The following STAC variants were observed in gnomAD, a reference collection of about 807,000 sequenced individuals.
The protein encoded by STAC is SH3 and cysteine-rich domain-containing protein.
In STAC, 43 loss-of-function variants were observed where a neutral mutation model predicts 48.8. The observed-to-expected ratio is 0.88, with a 90% CI of 0.69 to 1.14. STAC has a LOEUF of 1.14. STAC is among the 50% of genes most tolerant of loss of function. The pLI, the probability that STAC is intolerant of heterozygous loss-of-function variation, is 0.00. For synonymous variants in STAC, 193 were observed against 179.5 expected (o/e 1.07, Z -0.60); for missense variants, 497 against 504.0 (o/e 0.99, Z 0.13).
chr3:36,410,127 A>G (rs1261023631), intron 1 of STAC, among the ~76,000 whole-genome samples: 2 of 152,218 alleles, frequency 1.3e-5, no homozygotes, highest in African/African-American at 4.8e-5. Context: ...AAAGCATTAA[A>G]AAGAAATGTT....
intron 1 of STAC, among the ~76,000 whole-genome samples, chr3:36,426,353 T>C (rs116211548): frequency 1.0e-3 from 158 of 152,364 alleles, no homozygotes; most frequent in African/African-American, 3.7e-3. Context: ...GATGAGGCTC[T>C]AAACAGAGTT....
intron 8 of STAC, among the ~76,000 whole-genome samples, chr3:36,514,897 G>A (rs1041429297): frequency 6.6e-6 from 1 of 151,958 alleles, no homozygotes; most frequent in Admixed American, 6.6e-5. Context: ...AATTAGCCAG[G>A]CATGGTGGTG....
chr3:36,418,119 CTTTGA>C (rs1007903673), intron 1 of STAC, among the ~76,000 whole-genome samples: 5 of 151,678 alleles, frequency 3.3e-5, no homozygotes, highest in Non-Finnish European at 5.9e-5. Context: ...TAAACTAGTT[CTTTGA>C]TTTATCTATT....
chr3:36,474,063 A>G (rs960752966), intron 2 of STAC, among the ~76,000 whole-genome samples: 1 of 152,182 alleles, frequency 6.6e-6, no homozygotes, highest in Admixed American at 6.5e-5. Flanking sequence ...TGCATGCTAC[A>G]TATTTTCAAA....
At chr3:36,497,906 G>T (rs1463801572) in intron 6 of STAC, among the ~76,000 whole-genome samples, 3 of 152,182 alleles carry the variant, frequency 2.0e-5, no homozygotes, top group Non-Finnish European at 4.4e-5. Context: ...GGTACAGTAA[G>T]ATCACCAGGC....
At chr3:36,413,236 C>T (rs1348962229) in intron 1 of STAC, among the ~76,000 whole-genome samples, 1 of 152,070 alleles carries the variant, frequency 6.6e-6, no homozygotes, top group African/African-American at 2.4e-5. Context: ...TCCTTGTTAA[C>T]TTTCTGTCTC....
intron 2 of STAC, among the ~76,000 whole-genome samples, chr3:36,464,820 G>A (rs927521901): frequency 5.9e-5 from 9 of 151,604 alleles, no homozygotes; most frequent in Non-Finnish European, 1.0e-4. Context: ...TGGTGTGTGT[G>A]TGTGTGTGTA....
intron 1 of STAC, among the ~76,000 whole-genome samples, chr3:36,422,008 G>C (rs1044497675): frequency 2.0e-5 from 3 of 152,050 alleles, no homozygotes; most frequent in African/African-American, 7.2e-5. Context: ...CCAATAGTAA[G>C]CATTTTCATA....
At chr3:36,498,799 A>G (rs1252932224) in intron 6 of STAC, among the ~76,000 whole-genome samples, 1 of 152,158 alleles carries the variant, frequency 6.6e-6, no homozygotes, top group Non-Finnish European at 1.5e-5. Flanking sequence ...ACAATATGTA[A>G]GAACATACTT....
At chr3:36,539,774 G>T (rs566148851) in intron 10 of STAC, among the ~76,000 whole-genome samples, 3 of 152,160 alleles carry the variant, frequency 2.0e-5, no homozygotes, top group Non-Finnish European at 4.4e-5. Flanking sequence ...ATGTCTGAAA[G>T]GAGAACTCTG....
rs563984147 is a variant in STAC at position 36,511,684 on chromosome 3, C to T, written c.920+5850C>T. On this transcript the variant is annotated intron_variant, in intron 8 of 10. Transcript: ENST00000273183. ...GCCAAATTATCAGTCACCAGTCACT[C>T]TCTTCACATGGCTTCTGGAAAGCCT... Among the ~76,000 whole-genome samples, 7 of 152,306 alleles carry T rather than the reference C, an allele frequency of 4.6e-5. No homozygotes were observed. In the South Asian group the frequency reaches 1.5e-3, roughly 32 times the overall value.
rs1698346601 is a variant in STAC at position 36,504,305 on chromosome 3, C to G, written c.767-88C>G. On this transcript the variant is annotated intron_variant, in intron 6 of 10. Coordinates refer to ENST00000273183, the MANE Select transcript of STAC (RefSeq NM_003149.3). ...AAGTAGTAAAGTAGAAGCTATGGTA[C>G]TTAGAATAAATAAAGCCATCTTTCA... 2.4e-6 allele frequency: 3 copies of G among 1,244,346 alleles called. No homozygotes were observed. In the East Asian group the frequency reaches 7.3e-5, roughly 30 times the overall value. The allele number at this position is 1,244,346 out of a possible 1,614,324, so 77.1% of individuals were successfully genotyped here.
At chr3:36,468,768 GTGTGTT>G (rs1314318771) in intron 2 of STAC, among the ~76,000 whole-genome samples, 3 of 146,580 alleles carry the variant, frequency 2.0e-5, no homozygotes, top group South Asian at 2.1e-4. Context: ...GTGTGTGTGT[GTGTGTT>G]TGTGTGTGTT....
intron 2 of STAC, among the ~76,000 whole-genome samples, chr3:36,470,131 T>G (rs1441465047): frequency 2.6e-5 from 4 of 152,226 alleles, no homozygotes; most frequent in African/African-American, 4.8e-5. Flanking sequence ...TTTGGAGGTG[T>G]TAAAGAACCT....
intron 2 of STAC, among the ~76,000 whole-genome samples, chr3:36,453,362 A>G (rs1476876945): frequency 2.0e-5 from 3 of 152,118 alleles, no homozygotes; most frequent in Non-Finnish European, 4.4e-5. Flanking sequence ...CGTGGGCGGG[A>G]ACCGGGGCTG....
At chr3:36,484,936 C>A in intron 3 of STAC, 41 bp from the exon 4 acceptor site, 1 of 1,510,010 alleles carries the variant, frequency 6.6e-7, no homozygotes, top group Non-Finnish European at 9.0e-7. Context: ...TTCTCCATCT[C>A]CAGTGACATT....
At chr3:36,485,121 C>T in intron 4 of STAC, 63 bp downstream of exon 4, 2 of 1,410,866 alleles carry the variant, frequency 1.4e-6, no homozygotes, top group Non-Finnish European at 9.8e-7. Flanking sequence ...TTAATGGCTA[C>T]TGTCCTCCCA....
At chr3:36,423,139 T>G (rs900411268) in intron 1 of STAC, among the ~76,000 whole-genome samples, 1 of 152,066 alleles carries the variant, frequency 6.6e-6, no homozygotes, top group Non-Finnish European at 1.5e-5. Flanking sequence ...ATAGCCATAG[T>G]GCAGCCAGTG....
chr3:36,511,862 A>G (rs1698549453), intron 8 of STAC, among the ~76,000 whole-genome samples: 1 of 152,190 alleles, frequency 6.6e-6, no homozygotes, highest in Non-Finnish European at 1.5e-5. Flanking sequence ...TGCTTCAGTT[A>G]GACCCTGTTT....
Sources: gnomAD v4.1 joint callset for allele counts (sites outside exome capture counted in the v4.1 genomes callset) on GRCh38, gnomAD v4.1.1 for gene constraint, MANE v1.5 for transcripts, NCBI Gene and HGNC (gene_info 2026-07-23, HGNC 2026-07-21) for gene names.